The following OVGP1 variants were observed in gnomAD, a reference collection of about 807,000 sequenced individuals.
OVGP1 encodes the protein oviduct-specific glycoprotein.
In OVGP1, 26 loss-of-function variants were observed where a neutral mutation model predicts 48.2. The observed-to-expected ratio is 0.54, with a 90% CI of 0.40 to 0.75. The LOEUF (loss-of-function observed/expected upper bound fraction) is 0.75, where lower values mean the gene tolerates loss of function less well. Ranked by LOEUF, OVGP1 falls within the 30% of genes least tolerant of loss-of-function variation. OVGP1 has a pLI of 0.00. For synonymous variants in OVGP1, 294 were observed against 305.7 expected, an observed-to-expected ratio of 0.96 and a Z score of 0.40; for missense variants, 791 against 820.6, an observed-to-expected ratio of 0.96 and a Z score of 0.44.
At chr1:111,415,422 C>T (rs1269265620) in intron 10 of OVGP1, 78 bp from the exon 11 acceptor site, 1 of 1,317,368 alleles carries the variant, frequency 7.6e-7, no homozygotes, top group Non-Finnish European at 1.0e-6. Context: ...GAACTAGAAC[C>T]AATCCAGGGC....
At chr1:111,424,590 G>A (rs777806458) in intron 4 of OVGP1, among the ~76,000 whole-genome samples, 8 of 152,190 alleles carry the variant, frequency 5.3e-5, no homozygotes, top group Non-Finnish European at 7.3e-5. Flanking sequence ...AAGTGTTCAC[G>A]GGATAATGCG....
At chr1:111,422,736 G>C (rs1316199092) in intron 6 of OVGP1, among the ~76,000 whole-genome samples, 191 bp downstream of exon 6, 2 of 152,098 alleles carry the variant, frequency 1.3e-5, no homozygotes, top group African/African-American at 2.4e-5. Flanking sequence ...GAGGTCTAAA[G>C]AAACCCTCAG....
At position 111,423,602 on chromosome 1, in the gene OVGP1, A is replaced by G. The variant is rs1466856234; in HGVS notation, c.424T>C (p.Tyr142His). The change falls in exon 5 of 11, where the codon TAT becomes CAT. Residue 142 changes from tyrosine to histidine, a missense_variant. Transcript: ENST00000369732. Reference protein sequence around the residue: ...DFDGLDLFFLYPGLRGSPMHD... With the variant: ...DFDGLDLFFLHPGLRGSPMHD... ...ATGGGGCTGCCTCTTAGTCCAGGAT[A>G]TAAGAAGAAAAGGTCAAGACCATCA... 1 of 1,614,184 alleles carries G rather than the reference A, an allele frequency of 6.2e-7. No individual in the cohort carries two copies. The highest frequency in any genetic ancestry group is 8.5e-7 in the Non-Finnish European group (1 of 1,180,012).
intron 5 of OVGP1, among the ~76,000 whole-genome samples, chr1:111,423,267 G>A (rs929148541): frequency 2.2e-4 from 33 of 152,338 alleles, no homozygotes; most frequent in African/African-American, 7.5e-4. Context: ...AGCAGGCTCA[G>A]AAGCACAGAA....
intron 6 of OVGP1, 80 bp downstream of exon 6, chr1:111,422,847 C>T: frequency 6.4e-7 from 1 of 1,551,304 alleles, no homozygotes; most frequent in East Asian, 2.3e-5. Flanking sequence ...AAAAACAGTG[C>T]TTGGGAAGCT....
chr1:111,425,636 C>T, intron 3 of OVGP1, 197 bp from the exon 4 acceptor site: 1 of 1,039,084 alleles, frequency 9.6e-7, no homozygotes, highest in Non-Finnish European at 1.4e-6. Flanking sequence ...AGAGAACAAT[C>T]AACCCAAGGG....
chr1:111,416,550 A>G, intron 9 of OVGP1, 92 bp from the exon 10 acceptor site: 1 of 1,186,116 alleles, frequency 8.4e-7, no homozygotes, highest in Non-Finnish European at 1.2e-6. Context: ...CTCAGGAAGC[A>G]ATGTAGCTGG....
intron 10 of OVGP1, 146 bp from the exon 11 acceptor site, chr1:111,415,490 G>A (rs1307906370): frequency 2.8e-6 from 2 of 713,370 alleles, no homozygotes; most frequent in Admixed American, 2.9e-5. Flanking sequence ...CCTACTTGAG[G>A]ACATAGATGA....
At position 111,414,737 on chromosome 1, in the gene OVGP1, C is replaced by G; in HGVS notation, c.1764G>C (p.Gln588His). ...AATTCTCCCCTCTTAAAGGCATAGT[C>G]TGCCCTTCAGGGGTGACTGATATGT... ...SRNISVTPEG[Q>H]TMPLRGENLT... The change falls in exon 11 of 11, where the codon CAG becomes CAC. Residue 588 changes from glutamine to histidine, a missense_variant. Physicochemically the swap from Gln to His is conservative, Grantham distance 24. Coordinates refer to ENST00000369732, the MANE Select transcript of OVGP1 (RefSeq NM_002557.4). The G allele has an allele frequency of 6.2e-7, 1 of 1,613,616 alleles. No individual in the cohort carries two copies. The highest frequency in any genetic ancestry group is 8.5e-7 in the Non-Finnish European group (1 of 1,179,550).
intron 9 of OVGP1, 40 bp from the exon 10 acceptor site, chr1:111,416,498 G>T: frequency 6.4e-7 from 1 of 1,564,632 alleles, no homozygotes; most frequent in African/African-American, 1.3e-5. Context: ...GTACTTGTCA[G>T]TCTCTAGACT....
At position 111,421,565 on chromosome 1, in the gene OVGP1, C is replaced by T. The variant is rs573841344; in HGVS notation, c.717G>A (p.Ser239=). The T allele has an allele frequency of 4.8e-5, 77 of 1,611,408 alleles. 1 individual carries two copies. The South Asian group carries it at 5.1e-4, about 11-fold the overall frequency. ...CACCTGAGATCTTTCCTTTCCTTAC[C>T]GAAGATTTGGGGTCTTCAGGCAGAG... The part of the protein sequence containing the change: ...LFSLPEDPKS[S]AYAMNYWRKL... The change falls in exon 7 of 11, where the codon TCG becomes TCA. Residue 239 remains serine (S), a splice_region_variant and synonymous_variant. Coordinates refer to ENST00000369732, the MANE Select transcript of OVGP1 (RefSeq NM_002557.4).
chr1:111,427,443 T>A, intron 1 of OVGP1: 1 of 872,186 alleles, frequency 1.1e-6, no homozygotes, highest in Non-Finnish European at 1.4e-6. Flanking sequence ...GCAGAGATTC[T>A]AACAGAACTG....
chr1:111,427,499 G>C (rs1652426484), intron 1 of OVGP1, 198 bp downstream of exon 1: 1 of 570,310 alleles, frequency 1.8e-6, no homozygotes. Context: ...TGGGCCACCA[G>C]GTTTGAGAAC....
intron 8 of OVGP1, among the ~76,000 whole-genome samples, chr1:111,420,672 G>A (rs1652245365): frequency 6.6e-6 from 1 of 152,158 alleles, no homozygotes; most frequent in Admixed American, 6.5e-5. Context: ...TGCCACCTCT[G>A]GTGGTTACAT....
At position 111,423,592 on chromosome 1, in the gene OVGP1, A is replaced by C. The variant is rs551722760; in HGVS notation, c.434T>G (p.Leu145Arg). The C allele has an allele frequency of 1.1e-5, 18 of 1,614,106 alleles. No homozygotes were observed. The highest frequency in any genetic ancestry group is 1.5e-5 in the Non-Finnish European group (18 of 1,180,040). ...CCGGTCATGCATGGGGCTGCCTCTT[A>C]GTCCAGGATATAAGAAGAAAAGGTC... ...GLDLFFLYPGLRGSPMHDRWT... is the reference protein window; with the variant it reads ...GLDLFFLYPGRRGSPMHDRWT... Residue 145 changes from leucine (L) to arginine (R), a missense_variant, in exon 5 of 11, where the codon CTA becomes CGA. Transcript: ENST00000369732.
At chr1:111,422,836 C>A in intron 6 of OVGP1, 91 bp downstream of exon 6, 1 of 1,514,852 alleles carries the variant, frequency 6.6e-7, no homozygotes, top group South Asian at 1.2e-5. Context: ...ACGGTGAGCT[C>A]AAAAACAGTG....
rs1652137515 is a variant in OVGP1 at position 111,416,417 on chromosome 1, C to T, written c.1062G>A (p.Val354=). Residue 354 remains valine, a synonymous_variant, in exon 10 of 11, where the codon GTG becomes GTA. Coordinates refer to ENST00000369732, the MANE Select transcript of OVGP1 (RefSeq NM_002557.4). ...TGACGTCATCCATGTCCAATGTCCA[C>T]ACCATGGCCCCCCCAAAATGCTCTC... The part of the protein sequence containing the change: ...IRREHFGGAM[V]WTLDMDDVRG... The T allele has an allele frequency of 6.2e-7, 1 of 1,606,930 alleles. No homozygotes were observed. The highest frequency in any genetic ancestry group is 8.5e-7 in the Non-Finnish European group (1 of 1,176,634).
chr1:111,427,466 A>G (rs1652425745), intron 1 of OVGP1: 1 of 758,522 alleles, frequency 1.3e-6, no homozygotes, highest in Admixed American at 6.3e-5. Context: ...CCAAGGTGGA[A>G]CTCAGGCATT....
chr1:111,426,930 A>T, intron 2 of OVGP1, 132 bp downstream of exon 2: 3 of 1,563,352 alleles, frequency 1.9e-6, no homozygotes, highest in Non-Finnish European at 1.7e-6. Context: ...AAATCCTCTG[A>T]GAAACTGTGT....
Sources: allele counts gnomAD v4.1 joint callset (sites outside exome capture counted in the v4.1 genomes callset), GRCh38; gene constraint gnomAD v4.1.1; transcripts MANE v1.5; gene names NCBI Gene and HGNC (gene_info 2026-07-23, HGNC 2026-07-21).